The following ANKRD63 variants were observed in gnomAD, a reference collection of about 807,000 sequenced individuals.
The protein encoded by ANKRD63 is ankyrin repeat domain 63, also known as ankyrin repeat domain-containing protein 63.
A neutral mutation model predicts 21.2 loss-of-function variants in ANKRD63; 18 were observed. The observed-to-expected ratio is 0.85, with a 90% CI of 0.59 to 1.26. The LOEUF (loss-of-function observed/expected upper bound fraction) is 1.26. ANKRD63 is among the 50% of genes most tolerant of loss of function. The probability of loss-of-function intolerance (pLI) is 0.00; values close to 1 mark genes in which losing one functional copy is unlikely to be tolerated. For synonymous variants in ANKRD63, 322 were observed against 273.3 expected (o/e 1.18, Z -1.76); for missense variants, 523 against 570.9 (o/e 0.92, Z 0.85).
Position 40,278,773 on chromosome 15 carries a change from C to T in ANKRD63, c.*2671G>A, listed in dbSNP as rs780474058. 6.6e-6 allele frequency among the ~76,000 whole-genome samples: 1 copy of T among 152,126 alleles called. No homozygotes were observed. Among genetic ancestry groups the T allele is most frequent in the Non-Finnish European group, 1.5e-5 (1 of 68,022 alleles). On this transcript the variant is annotated 3_prime_UTR_variant, in exon 1 of 1. Transcript: ENST00000434396. ...CAGTTCAGACAGGAAAGAGCCGCTG[C>T]AGTTGTTTAGAAACATCGCTTTCTA... is the stretch of plus-strand genomic sequence containing the variant.
In ANKRD63 at chr15:40,280,528, G is replaced by T. The variant is rs1022041640; in HGVS notation, c.*916C>A. The stretch of plus-strand genomic sequence containing the variant: ...CGGGAGCACCCACGTGCGGGACGGG[G>T]GAGCTGGGAGGCGTGGAGGCGGGGA... On this transcript the variant is annotated 3_prime_UTR_variant, in exon 1 of 1. Coordinates refer to ENST00000434396, the MANE Select transcript of ANKRD63 (RefSeq NM_001190479.3). Among the ~76,000 whole-genome samples the T allele has an allele frequency of 1.3e-5, 2 of 152,280 alleles. No homozygotes were observed. The highest frequency in any genetic ancestry group is 1.3e-4 in the Admixed American group (2 of 15,292).
chr15:40,282,350 C>T lies in ANKRD63; in HGVS notation c.237G>A (p.Leu79=). 2.6e-6 allele frequency: 4 copies of T among 1,511,148 alleles called. No homozygotes were observed. The highest frequency in any genetic ancestry group is 3.5e-6 in the Non-Finnish European group (4 of 1,138,046). 93.6% of individuals were successfully genotyped at this position (1,511,148 alleles called of 1,614,324 possible). ...GTGCGGTGCGGCCGCGCTCGTCTCG[C>T]AGGTTCACTGCAGCACCCTGCTCGA... ...LLLEQGAAVN[L]RDERGRTALS... The change falls in exon 1 of 1, where the codon CTG becomes CTA. Residue 79 remains leucine (L), a synonymous_variant. Coordinates refer to ENST00000434396, the MANE Select transcript of ANKRD63 (RefSeq NM_001190479.3).
Position 40,282,817 on chromosome 15 carries a change from C to T in ANKRD63, c.-231G>A, listed in dbSNP as rs960910555. On this transcript the variant is annotated 5_prime_UTR_variant, in exon 1 of 1. Transcript: ENST00000434396. ...GTCGCCGCTCCTTCCCCGGGCCTCC[C>T]GCCTGGAGGTGTTGATTGCTCGCTA... is the stretch of plus-strand genomic sequence containing the variant. 1.1e-4 allele frequency among the ~76,000 whole-genome samples: 16 copies of T among 152,320 alleles called. No homozygotes were observed. Among genetic ancestry groups the T allele is most frequent in the African/African-American group, 3.8e-4 (16 of 41,580 alleles).
rs2039545282 is a variant in ANKRD63 at position 40,281,724 on chromosome 15, C to T, written c.863G>A (p.Gly288Glu). The T allele has an allele frequency of 2.0e-6, 3 of 1,535,006 alleles. No individual in the cohort carries two copies. In the Admixed American group the frequency reaches 5.9e-5, roughly 30 times the overall value. The part of the protein sequence containing the change: ...MALPNSPQSS[G>E]TGRWRSQEVL... ...CTCCTGTGAGCGCCACCGCCCAGTC[C>T]CCGAAGACTGGGGCGAGTTTGGTAG... is the stretch of plus-strand genomic sequence containing the variant. Residue 288 changes from glycine (G) to glutamate (E), a missense_variant, in exon 1 of 1, where the codon GGG (glycine) becomes GAG (glutamate). Physicochemically the swap from Gly to Glu is moderately conservative, Grantham distance 98 (BLOSUM62 -2). This residue lies in a region of ANKRD63 where 308 missense variants were observed against 290.4 expected (regional missense o/e 1.06). Coordinates refer to ENST00000434396, the MANE Select transcript of ANKRD63 (RefSeq NM_001190479.3).
rs1009254020 is a variant in ANKRD63, at chr15:40,281,574, C to T, written c.1013G>A (p.Ser338Asn). 1 of 1,532,640 alleles carries T rather than the reference C, an allele frequency of 6.5e-7. No homozygotes were observed. The highest frequency in any genetic ancestry group is 1.4e-5 in the African/African-American group (1 of 72,834). 94.9% of individuals were successfully genotyped at this position (1,532,640 alleles called of 1,614,324 possible). A position where few individuals can be genotyped will look rare whatever the true frequency, so the allele number is the denominator to read the frequency against. The change falls in exon 1 of 1, where the codon AGC becomes AAC. Residue 338 changes from serine (S) to asparagine (N), a missense_variant. Transcript: ENST00000434396. Reference protein sequence around the residue: ...RRRSTAPDIPSLVGEAPGPES... With the variant: ...RRRSTAPDIPNLVGEAPGPES... Reference sequence around the variant, plus strand: ...GGGCCCTGGCGCCTCCCCGACCAGGCTGGGGATATCTGGGGCTGTGGAGCG... The same window carrying T: ...GGGCCCTGGCGCCTCCCCGACCAGGTTGGGGATATCTGGGGCTGTGGAGCG...
chr15:40,282,446 G>GC lies in ANKRD63; in HGVS notation c.140dup (p.Arg48ProfsTer62). 6.6e-7 allele frequency: 1 copy of GC among 1,521,154 alleles called. No homozygotes were observed. Among genetic ancestry groups the GC allele is most frequent in the Non-Finnish European group, 8.8e-7 (1 of 1,141,786 alleles). The allele number at this position is 1,521,154 out of a possible 1,614,324, so 94.2% of individuals were successfully genotyped here. On this transcript the variant is annotated frameshift_variant, in exon 1 of 1. Coordinates refer to ENST00000434396, the MANE Select transcript of ANKRD63 (RefSeq NM_001190479.3). LOFTEE classifies it high-confidence loss of function. ...CCACGGCCACCATGAGCGGCGTACG[G>GC]CCCTGCTCCGCGCGGCAGTCGATGA...
At position 40,281,685 on chromosome 15, in the gene ANKRD63, G is replaced by A; in HGVS notation, c.902C>T (p.Ala301Val). The A allele has an allele frequency of 6.5e-7, 1 of 1,530,522 alleles. No individual in the cohort carries two copies. The highest frequency in any genetic ancestry group is 8.7e-7 in the Non-Finnish European group (1 of 1,143,344). The allele number at this position is 1,530,522 out of a possible 1,614,324, so 94.8% of individuals were successfully genotyped here. A position where few individuals can be genotyped will look rare whatever the true frequency, so the allele number is the denominator to read the frequency against. ...RWRSQEVLEG[A>V]PPTLAQAPIG... ...GGGGGCTTGCGCTAAGGTTGGGGGC[G>A]CTCCCTCCAGCACCTCCTGTGAGCG... Residue 301 changes from alanine to valine, a missense_variant, in exon 1 of 1, where the codon GCG becomes GTG. Physicochemically the swap from Ala to Val is moderately conservative, Grantham distance 64. Around this residue, in one of 2 missense-constraint regions of ANKRD63, gnomAD observed 308 missense variants for 290.4 expected, o/e 1.06. Transcript: ENST00000434396.
rs1282884212 is a variant in ANKRD63, at chr15:40,279,006, AAC to A, written c.*2436_*2437del. On this transcript the variant is annotated 3_prime_UTR_variant, in exon 1 of 1. Transcript: ENST00000434396. ...ACCACTAAAAACGTCATTAAAATTC[AAC>A]ACAGTTGAAAAGGGAGTACATAAGC... Among the ~76,000 whole-genome samples, 1 of 152,262 alleles carries A rather than the reference AAC, an allele frequency of 6.6e-6. No homozygotes were observed. Among genetic ancestry groups the A allele is most frequent in the Non-Finnish European group, 1.5e-5 (1 of 68,046 alleles).
Position 40,282,652 on chromosome 15 carries a change from C to T in ANKRD63, c.-66G>A. On this transcript the variant is annotated 5_prime_UTR_variant, in exon 1 of 1. Transcript: ENST00000434396. The stretch of plus-strand genomic sequence containing the variant: ...CGGGGGCGCCCCTGTTCTCGCGCCC[C>T]GCGGGGCTCCGGCCTCCGCCCGCGC... 8.0e-7 allele frequency: 1 copy of T among 1,253,632 alleles called. No individual in the cohort carries two copies. The allele number at this position is 1,253,632 out of a possible 1,614,324, so 77.7% of individuals were successfully genotyped here.
rs1350770314 is a variant in ANKRD63 at position 40,281,656 on chromosome 15, C to T, written c.931G>A (p.Gly311Ser). 2 of 1,526,234 alleles carry T rather than the reference C, an allele frequency of 1.3e-6. No individual in the cohort carries two copies. The highest frequency in any genetic ancestry group is 1.4e-5 in the African/African-American group (1 of 72,600). The allele number at this position is 1,526,234 out of a possible 1,614,324, so 94.5% of individuals were successfully genotyped here. ...APPTLAQAPI[G>S]LSPHPEGGPG... ...CCGCCCTCCGGGTGGGGACTGAGGCCAATGGGGGCTTGCGCTAAGGTTGGG... is the reference window on the plus strand; with the variant it reads ...CCGCCCTCCGGGTGGGGACTGAGGCTAATGGGGGCTTGCGCTAAGGTTGGG... The change falls in exon 1 of 1, where the codon GGC becomes AGC. Residue 311 changes from glycine to serine, a missense_variant. Physicochemically the swap from Gly to Ser is moderately conservative, Grantham distance 56. Transcript: ENST00000434396.
chr15:40,281,544 C>A lies in ANKRD63; in HGVS notation c.1043G>T (p.Ser348Ile). 1 of 1,529,866 alleles carries A rather than the reference C, an allele frequency of 6.5e-7. No homozygotes were observed. Among genetic ancestry groups the A allele is most frequent in the Non-Finnish European group, 8.7e-7 (1 of 1,143,804 alleles). The allele number at this position is 1,529,866 out of a possible 1,614,324, so 94.8% of individuals were successfully genotyped here. ...SLVGEAPGPE[S>I]GPELEANALS... ...AGCGTTGGCCTCTAACTCCGGGCCA[C>A]TCTCGGGCCCTGGCGCCTCCCCGAC... The change falls in exon 1 of 1, where the codon AGT (serine) becomes ATT (isoleucine). Residue 348 changes from serine (S) to isoleucine (I), a missense_variant. Transcript: ENST00000434396.
Position 40,281,576 on chromosome 15 carries a change from G to A in ANKRD63, c.1011C>T (p.Pro337=). The change falls in exon 1 of 1, where the codon CCC becomes CCT. Residue 337 remains proline (P), a synonymous_variant. Coordinates refer to ENST00000434396, the MANE Select transcript of ANKRD63 (RefSeq NM_001190479.3). ...LRRRSTAPDI[P]SLVGEAPGPE... ...GCCCTGGCGCCTCCCCGACCAGGCTGGGGATATCTGGGGCTGTGGAGCGTC... is the reference window on the plus strand; with the variant it reads ...GCCCTGGCGCCTCCCCGACCAGGCTAGGGATATCTGGGGCTGTGGAGCGTC... 1 of 1,532,796 alleles carries A rather than the reference G, an allele frequency of 6.5e-7. No homozygotes were observed. Among genetic ancestry groups the A allele is most frequent in the Non-Finnish European group, 8.7e-7 (1 of 1,145,370 alleles). The allele number at this position is 1,532,796 out of a possible 1,614,324, so 94.9% of individuals were successfully genotyped here. A position where few individuals can be genotyped will look rare whatever the true frequency, so the allele number is the denominator to read the frequency against.
rs1160943344 is a variant in ANKRD63 at position 40,281,547 on chromosome 15, T to C, written c.1040A>G (p.Glu347Gly). 38 of 1,530,354 alleles carry C rather than the reference T, an allele frequency of 2.5e-5. No individual in the cohort carries two copies. Among genetic ancestry groups the C allele is most frequent in the Non-Finnish European group, 3.2e-5 (37 of 1,144,246 alleles). 94.8% of individuals were successfully genotyped at this position (1,530,354 alleles called of 1,614,324 possible). ...PSLVGEAPGP[E>G]SGPELEANAL... The stretch of plus-strand genomic sequence containing the variant: ...GTTGGCCTCTAACTCCGGGCCACTC[T>C]CGGGCCCTGGCGCCTCCCCGACCAG... The change falls in exon 1 of 1, where the codon GAG becomes GGG. Residue 347 changes from glutamate (E) to glycine (G), a missense_variant. Transcript: ENST00000434396.
rs891908611 is a variant in ANKRD63, at chr15:40,280,901, C to T, written c.*543G>A. Among the ~76,000 whole-genome samples, 9 of 152,210 alleles carry T rather than the reference C, an allele frequency of 5.9e-5. No individual in the cohort carries two copies. The highest frequency in any genetic ancestry group is 2.2e-4 in the African/African-American group (9 of 41,446). On this transcript the variant is annotated 3_prime_UTR_variant, in exon 1 of 1. Coordinates refer to ENST00000434396, the MANE Select transcript of ANKRD63 (RefSeq NM_001190479.3). ...CCTGGAAAAACATAACAGCCAGACC[C>T]CTTCCTCCTCAACCCTCCAGTCCTG...
Position 40,282,692 on chromosome 15 carries a change from C to T in ANKRD63, c.-106G>A. The T allele has an allele frequency of 1.0e-5, 9 of 878,136 alleles. 1 individual carries two copies. Among genetic ancestry groups the T allele is most frequent in the South Asian group, 5.1e-5 (2 of 38,940 alleles). The allele number at this position is 878,136 out of a possible 1,614,324, so 54.4% of individuals were successfully genotyped here. On this transcript the variant is annotated 5_prime_UTR_variant, in exon 1 of 1. Transcript: ENST00000434396. ...TCCGCCCGCGCTCTGATACCTCTCCCTCCGCGCGTGGGCGGCTGCAGCCGA... is the reference window on the plus strand; with the variant it reads ...TCCGCCCGCGCTCTGATACCTCTCCTTCCGCGCGTGGGCGGCTGCAGCCGA...
At position 40,281,605 on chromosome 15, in the gene ANKRD63, G is replaced by T. The variant is rs974974005; in HGVS notation, c.982C>A (p.Arg328Ser). 7 of 1,529,176 alleles carry T rather than the reference G, an allele frequency of 4.6e-6. No homozygotes were observed. The allele number at this position is 1,529,176 out of a possible 1,614,324, so 94.7% of individuals were successfully genotyped here. A position where few individuals can be genotyped will look rare whatever the true frequency, so the allele number is the denominator to read the frequency against. The change falls in exon 1 of 1, where the codon CGC (arginine) becomes AGC (serine). Residue 328 changes from arginine (R) to serine (S), a missense_variant. Coordinates refer to ENST00000434396, the MANE Select transcript of ANKRD63 (RefSeq NM_001190479.3). ...ATATCTGGGGCTGTGGAGCGTCGGC[G>T]CAAACCCAGGCGGCCAGAGCCGGGG... ...GGPGSGRLGL[R>S]RRSTAPDIPS...
rs2039532636 is a variant in ANKRD63 at position 40,280,759 on chromosome 15, G to C, written c.*685C>G. ...ATCAATGAAGCTGAATCCTGGGGCAGAGAGAGAGGGAGCTGGAGTTACCCA... is the reference window on the plus strand; with the variant it reads ...ATCAATGAAGCTGAATCCTGGGGCACAGAGAGAGGGAGCTGGAGTTACCCA... On this transcript the variant is annotated 3_prime_UTR_variant, in exon 1 of 1. Transcript: ENST00000434396. Among the ~76,000 whole-genome samples the C allele has an allele frequency of 6.6e-6, 1 of 152,242 alleles. No homozygotes were observed. The highest frequency in any genetic ancestry group is 1.5e-5 in the Non-Finnish European group (1 of 68,044).
rs1384424249 is a variant in ANKRD63 at position 40,279,541 on chromosome 15, G to A, written c.*1903C>T. Among the ~76,000 whole-genome samples the A allele has an allele frequency of 2.0e-5, 3 of 152,224 alleles. No homozygotes were observed. The highest frequency in any genetic ancestry group is 7.2e-5 in the African/African-American group (3 of 41,458). On this transcript the variant is annotated 3_prime_UTR_variant, in exon 1 of 1. Transcript: ENST00000434396. ...CAGGATGTCTGAGCTCCGAGCCGGG[G>A]CGCAGCGGGGAGGGCCCAGCGCTGC... is the stretch of plus-strand genomic sequence containing the variant.
chr15:40,280,936 AG>A lies in ANKRD63; in HGVS notation c.*507del, dbSNP rs1001899981. ...CAACCCTCCAGTCCTGAAAGGCTCT[AG>A]GGCCCCCTCCGTCCTTTCCTTCTCC... On this transcript the variant is annotated 3_prime_UTR_variant, in exon 1 of 1. Transcript: ENST00000434396. Among the ~76,000 whole-genome samples the A allele has an allele frequency of 2.0e-5, 3 of 152,356 alleles. No individual in the cohort carries two copies. The highest frequency in any genetic ancestry group is 7.2e-5 in the African/African-American group (3 of 41,594).
Sources: allele counts gnomAD v4.1 joint callset (sites outside exome capture counted in the v4.1 genomes callset), GRCh38; gene constraint gnomAD v4.1.1; regional missense constraint gnomAD v4.1.1; transcripts MANE v1.5; gene names NCBI Gene and HGNC (gene_info 2026-07-23, HGNC 2026-07-21).